The following DGKB variants were observed in gnomAD, a reference collection of about 807,000 sequenced individuals.
The protein encoded by DGKB is 90 kDa diacylglycerol kinase.
Under a neutral mutation model 114.3 loss-of-function variants are expected in DGKB, and 67 were observed. The observed-to-expected ratio is 0.59, with a 90% CI of 0.48 to 0.72. The LOEUF (loss-of-function observed/expected upper bound fraction) is 0.72. Among genes scored for constraint, DGKB ranks in the 30% least tolerant of loss-of-function variants. The probability of loss-of-function intolerance (pLI) is 0.00; values close to 1 mark genes in which losing one functional copy is unlikely to be tolerated. For synonymous variants in DGKB, 398 were observed against 323.1 expected, an observed-to-expected ratio of 1.23 and a Z score of -2.49; for missense variants, 907 against 975.2, an observed-to-expected ratio of 0.93 and a Z score of 0.93.
intron 2 of DGKB, among the ~76,000 whole-genome samples, chr7:14,769,247 A>C (rs185258924): frequency 4.3e-4 from 51 of 118,246 alleles, no homozygotes; most frequent in Non-Finnish European, 4.3e-4. Context: ...AGAAAGAAAG[A>C]AAGAAAGAAA....
intron 12 of DGKB, among the ~76,000 whole-genome samples, chr7:14,674,953 T>G (rs1819596618): frequency 6.6e-6 from 1 of 152,054 alleles, no homozygotes; most frequent in African/African-American, 2.4e-5. Context: ...ACAGCAGCCC[T>G]AGGAAACTAA....
chr7:14,534,205 G>C (rs531817785), intron 20 of DGKB, among the ~76,000 whole-genome samples: 1 of 152,006 alleles, frequency 6.6e-6, no homozygotes, highest in African/African-American at 2.4e-5. Context: ...CTCATATACA[G>C]TTAAAGAAAA....
chr7:14,450,509 G>A (rs1182741075), intron 21 of DGKB, among the ~76,000 whole-genome samples: 2 of 152,170 alleles, frequency 1.3e-5, no homozygotes, highest in South Asian at 4.1e-4. Flanking sequence ...TGGAGGAGGT[G>A]GGTGGCAAAG....
At chr7:14,232,224 T>C (rs1214465818) in intron 23 of DGKB, among the ~76,000 whole-genome samples, 1 of 151,948 alleles carries the variant, frequency 6.6e-6, no homozygotes, top group African/African-American at 2.4e-5. Context: ...CTAGAATCCA[T>C]CTGTCTTATC....
At chr7:14,415,384 AG>A (rs1163201633) in intron 21 of DGKB, among the ~76,000 whole-genome samples, 1 of 151,532 alleles carries the variant, frequency 6.6e-6, no homozygotes, top group Non-Finnish European at 1.5e-5. Flanking sequence ...CTCGTCATTT[AG>A]CATTAGGTAT....
chr7:14,944,199 G>A (rs1785733224), intron 1 of DGKB, among the ~76,000 whole-genome samples: 1 of 151,876 alleles, frequency 6.6e-6, no homozygotes, highest in Non-Finnish European at 1.5e-5. Flanking sequence ...GCAGGTGGAA[G>A]AACTGAGAAC....
At chr7:14,866,009 T>C (rs906497985) in intron 1 of DGKB, among the ~76,000 whole-genome samples, 3 of 152,058 alleles carry the variant, frequency 2.0e-5, no homozygotes, top group African/African-American at 7.2e-5. Flanking sequence ...CAGATCATAA[T>C]AGAAGGGAGA....
chr7:14,748,512 G>T (rs975713924), intron 4 of DGKB, among the ~76,000 whole-genome samples: 1 of 152,160 alleles, frequency 6.6e-6, no homozygotes, highest in African/African-American at 2.4e-5. Context: ...CCCTGTGCTA[G>T]AGAAATTTCC....
rs189580243 is a variant in DGKB, at chr7:14,606,475, T to G, written c.1433+959A>C. Among the ~76,000 whole-genome samples the G allele has an allele frequency of 4.4e-3, 676 of 152,174 alleles. 3 individuals carry two copies. The highest frequency in any genetic ancestry group is 4.8e-3 in the Non-Finnish European group (325 of 68,000). ...ATTAATTATACTTTATGAATGTATT[T>G]TTTGGGTAAGACACTATGGTACAAA... On this transcript the variant is annotated intron_variant, in intron 17 of 25. Transcript: ENST00000402815.
rs115905803 is a variant in DGKB, at chr7:14,250,322, G to A, written c.2123-72171C>T. Among the ~76,000 whole-genome samples, 776 of 151,848 alleles carry A rather than the reference G, an allele frequency of 5.1e-3. 6 individuals are homozygous for A. The highest frequency in any genetic ancestry group is 0.018 in the African/African-American group (737 of 41,466). ...TTTCCATCTTAGAACTGCTTTTGCC[G>A]TATCACATGGGTTTCAGTAGGTTTT... On this transcript the variant is annotated intron_variant, in intron 23 of 25. Transcript: ENST00000402815.
chr7:14,348,597 T>C lies in DGKB; in HGVS notation c.1836-3206A>G, dbSNP rs1227547320. On this transcript the variant is annotated intron_variant, in intron 21 of 25. Transcript: ENST00000402815. ...CCACACTTAACAGAATGACTAAAAT[T>C]AAAAAAAGTAAAAAAAATCTTGAAT... Among the ~76,000 whole-genome samples the C allele has an allele frequency of 3.3e-5, 5 of 151,576 alleles. No homozygotes were observed. In the East Asian group the frequency reaches 9.7e-4, roughly 29 times the overall value.
chr7:14,955,224 G>T (rs1384648321), intron 1 of DGKB, among the ~76,000 whole-genome samples: 1 of 152,020 alleles, frequency 6.6e-6, no homozygotes, highest in Non-Finnish European at 1.5e-5. Context: ...ATTTAGGGCA[G>T]AACCAAGATT....
chr7:14,508,651 T>A (rs1224003239), intron 20 of DGKB, among the ~76,000 whole-genome samples: 1 of 152,200 alleles, frequency 6.6e-6, no homozygotes, highest in Non-Finnish European at 1.5e-5. Context: ...TAAGGACAAT[T>A]CCTATTAAAT....
chr7:14,926,924 G>C (rs1392953555), intron 1 of DGKB, among the ~76,000 whole-genome samples: 1 of 151,922 alleles, frequency 6.6e-6, no homozygotes, highest in Non-Finnish European at 1.5e-5. Flanking sequence ...CTTCCATCTG[G>C]TTGGAAGGGT....
chr7:14,382,196 A>C (rs1005107474), intron 21 of DGKB, among the ~76,000 whole-genome samples: 2 of 152,200 alleles, frequency 1.3e-5, no homozygotes, highest in African/African-American at 4.8e-5. Flanking sequence ...AAAGAGCACA[A>C]TTAGAAGAGG....
At chr7:14,212,408 TTTTACTCTCGTGTTTTGTGATA>T (rs201994317) in intron 23 of DGKB, among the ~76,000 whole-genome samples, 823 of 22,050 alleles carry the variant, frequency 0.037, 251 homozygotes, top group Non-Finnish European at 0.053. Context: ...TGTTTTGTGA[TTTTACTCTCGTGTTTTGTGATA>T]TTTACTCTCA....
Position 14,569,751 on chromosome 7 carries a change from T to C in DGKB, c.1770+4461A>G, listed in dbSNP as rs1261386012. Among the ~76,000 whole-genome samples the C allele has an allele frequency of 2.0e-5, 3 of 148,668 alleles. No individual in the cohort carries two copies. In the East Asian group the frequency reaches 5.9e-4, roughly 29 times the overall value. Reference sequence around the variant, plus strand: ...TCATACATATTTTAAATAAGTTTGTTATAAAATCCAGCTCCAATCTTGCAT... The same window carrying C: ...TCATACATATTTTAAATAAGTTTGTCATAAAATCCAGCTCCAATCTTGCAT... On this transcript the variant is annotated intron_variant, in intron 20 of 25. Transcript: ENST00000402815.
chr7:14,758,300 G>T (rs1835182245), intron 2 of DGKB, among the ~76,000 whole-genome samples: 1 of 151,758 alleles, frequency 6.6e-6, no homozygotes, highest in Admixed American at 6.6e-5. Flanking sequence ...CATCTTATTA[G>T]TTGGTGACAA....
At chr7:14,214,231 C>A (rs1028835634) in intron 23 of DGKB, among the ~76,000 whole-genome samples, 4 of 152,108 alleles carry the variant, frequency 2.6e-5, no homozygotes, top group African/African-American at 9.7e-5. Flanking sequence ...GGCCTACATG[C>A]TCGGGATAAT....
Sources: gnomAD v4.1 joint callset for allele counts (sites outside exome capture counted in the v4.1 genomes callset) on GRCh38, gnomAD v4.1.1 for gene constraint, MANE v1.5 for transcripts, NCBI Gene and HGNC (gene_info 2026-07-23, HGNC 2026-07-21) for gene names.